ERAP1: variants seen among roughly 807,000 people sequenced by gnomAD.
ERAP1 encodes the protein adipocyte-derived leucine aminopeptidase.
ERAP1 carries 86 observed loss-of-function variants against 103.7 expected under a neutral mutation model. The ratio of observed to expected loss-of-function variants is 0.83; its 90% confidence interval spans 0.70 to 0.99. The LOEUF (loss-of-function observed/expected upper bound fraction) is 0.99. Ranked by LOEUF, ERAP1 falls within the 50% of genes least tolerant of loss-of-function variation. The probability of loss-of-function intolerance (pLI) is 0.00; values close to 1 mark genes in which losing one functional copy is unlikely to be tolerated. For synonymous variants in ERAP1, 398 were observed against 402.4 expected (o/e 0.99, Z 0.13); for missense variants, 1,009 against 1,128.4 (o/e 0.89, Z 1.52).
downstream of ERAP1, chr5:96,773,168 C>T (rs1236762581): frequency 6.5e-6 from 1 of 153,782 alleles, no homozygotes; most frequent in Non-Finnish European, 1.5e-5. Context: ...ACATTGGGCA[C>T]ATATCTCCTC....
At chr5:96,786,838 C>T in intron 11 of ERAP1, 2 of 369,090 alleles carry the variant, frequency 5.4e-6, no homozygotes, top group South Asian at 5.7e-5. Flanking sequence ...AGAGGCCTAA[C>T]TTCAGGACTC....
chr5:96,805,034 A>C (rs1778420962), intron 1 of ERAP1: 1 of 139,750 alleles, frequency 7.2e-6, no homozygotes, highest in Non-Finnish European at 1.6e-5. Context: ...TCTTTTATAC[A>C]AACGCACCTT....
At chr5:96,871,739 TAAC>T in the ERAP1 span, among the ~76,000 whole-genome samples, 10 of 152,230 alleles carry the variant, frequency 6.6e-5, no homozygotes, top group African/African-American at 2.4e-4. Context: ...TGTTCCACTT[TAAC>T]AACATCAGAT....
the ERAP1 span, chr5:96,823,037 T>C: frequency 4.4e-6 from 2 of 456,298 alleles, no homozygotes; most frequent in South Asian, 3.1e-5. Flanking sequence ...AGTTTCTTGC[T>C]GGCTGTTGAC....
At chr5:96,898,974 G>A in the ERAP1 span, among the ~76,000 whole-genome samples, 97 of 152,220 alleles carry the variant, frequency 6.4e-4, 1 homozygote, top group Non-Finnish European at 1.9e-4. Context: ...CCTCCAACAC[G>A]GAAGAATCTA....
the ERAP1 span, among the ~76,000 whole-genome samples, chr5:96,822,002 A>G: frequency 2.0e-5 from 3 of 152,150 alleles, no homozygotes; most frequent in Admixed American, 6.5e-5. Flanking sequence ...GGAGGAATAA[A>G]CTATCCCAAG....
At chr5:96,821,521 G>A in the ERAP1 span, among the ~76,000 whole-genome samples, 8 of 152,200 alleles carry the variant, frequency 5.3e-5, no homozygotes, top group Admixed American at 5.2e-4. Context: ...CCAGGGGGAA[G>A]CACAGGATAA....
At chr5:96,909,101 T>C in the ERAP1 span, 664 of 1,613,962 alleles carry the variant, frequency 4.1e-4, no homozygotes, top group Non-Finnish European at 5.5e-4. Context: ...ATTTCAGATA[T>C]CTCTGAAAAC....
chr5:96,767,694 T>C (rs933540519), intron 19 of ERAP1, among the ~76,000 whole-genome samples: 12 of 152,204 alleles, frequency 7.9e-5, no homozygotes, highest in African/African-American at 2.9e-4. Context: ...CAGAGAATGC[T>C]AAGCAACGTG....
intron 2 of ERAP1, among the ~76,000 whole-genome samples, chr5:96,801,313 C>A (rs1777962252): frequency 6.6e-6 from 1 of 151,572 alleles, no homozygotes; most frequent in Non-Finnish European, 1.5e-5. Context: ...CAAAAATTAG[C>A]CAGGCATGGT....
At chr5:96,808,051 G>C (rs895884860), upstream of ERAP1, 6 of 985,576 alleles carry the variant, frequency 6.1e-6, no homozygotes, top group South Asian at 4.7e-5. Flanking sequence ...AAGGGTAAAC[G>C]GGAGTGGGGC....
At chr5:96,900,301 A>C in the ERAP1 span, 1 of 1,448,392 alleles carries the variant, frequency 6.9e-7, no homozygotes, top group African/African-American at 1.4e-5. Context: ...GGAGAGAAAG[A>C]GAGCCCCCAC....
the ERAP1 span, among the ~76,000 whole-genome samples, chr5:96,860,292 G>A: frequency 6.6e-6 from 1 of 152,230 alleles, no homozygotes; most frequent in African/African-American, 2.4e-5. Context: ...GACCTCAGGT[G>A]ATCCACCTGC....
the ERAP1 span, chr5:96,889,449 G>T: frequency 1.1e-6 from 1 of 896,894 alleles, no homozygotes. Flanking sequence ...CCTCAGAGAT[G>T]ATTCTTGAGT....
Position 96,781,068 on chromosome 5 carries a change from GT to G in ERAP1, c.2577del (p.Lys859AsnfsTer13). The stretch of plus-strand genomic sequence containing the variant: ...TTTGGCACCACTTACTTTTGTACAA[GT>G]TTGTTCCAGTTTTTCCTCAGAAATT... ...AWQFLRKNWN[K>X]LVQKFELGSS... On this transcript the variant is annotated frameshift_variant, in exon 17 of 19. Transcript: ENST00000443439. LOFTEE classifies it high-confidence loss of function. 6.2e-7 allele frequency: 1 copy of G among 1,614,014 alleles called. No homozygotes were observed. Among genetic ancestry groups the G allele is most frequent in the South Asian group, 1.1e-5 (1 of 91,076 alleles).
Position 96,783,818 on chromosome 5 carries a change from T to TACACAC in ERAP1, c.2100+100_2100+105dup, listed in dbSNP as rs3076640. 3.6e-5 allele frequency: 29 copies of TACACAC among 803,544 alleles called. No homozygotes were observed. The East Asian group carries it at 7.2e-4, about 20-fold the overall frequency. The allele number at this position is 803,544 out of a possible 1,614,324, so 49.8% of individuals were successfully genotyped here. On this transcript the variant is annotated intron_variant, in intron 14 of 18. Transcript: ENST00000443439. ...CTTTTCCTTAATATGTATATAAAGA[T>TACACAC]ACACACACACACACACACACACACA...
chr5:96,821,394 C>T, the ERAP1 span, among the ~76,000 whole-genome samples: 1 of 152,220 alleles, frequency 6.6e-6, no homozygotes, highest in Non-Finnish European at 1.5e-5. Flanking sequence ...CCAAAAGAAA[C>T]TGCCACATTC....
At chr5:96,914,905 A>T in the ERAP1 span, among the ~76,000 whole-genome samples, 1 of 150,970 alleles carries the variant, frequency 6.6e-6, no homozygotes, top group Middle Eastern at 3.4e-3. Context: ...ATAAATTTAT[A>T]AACATAAATG....
the ERAP1 span, among the ~76,000 whole-genome samples, chr5:96,923,681 G>A: frequency 4.8e-5 from 7 of 146,762 alleles, no homozygotes; most frequent in Non-Finnish European, 7.5e-5. Flanking sequence ...GCGACACAGT[G>A]AGACTCTGTC....
Sources: allele counts gnomAD v4.1 joint callset (sites outside exome capture counted in the v4.1 genomes callset), GRCh38; gene constraint gnomAD v4.1.1; transcripts MANE v1.5; gene names NCBI Gene and HGNC (gene_info 2026-07-23, HGNC 2026-07-21).